Variants in GLT8D2 observed in about 807,000 individuals in gnomAD.
The protein encoded by GLT8D2 is glycosyltransferase 8 domain containing 2.
In GLT8D2, 45 loss-of-function variants were observed where a neutral mutation model predicts 44.5. The observed-to-expected ratio is 1.01, with a 90% CI of 0.80 to 1.30. The LOEUF is 1.30. Ranked by LOEUF, GLT8D2 falls within the 50% of genes most tolerant of loss-of-function variation. GLT8D2 has a pLI of 0.00. For missense variants in GLT8D2, 400 were observed against 430.4 expected (o/e 0.93, Z 0.62); for synonymous variants, 156 against 157.2 (o/e 0.99, Z 0.06).
rs1033559146 is a variant in GLT8D2 at position 104,062,292 on chromosome 12, C to T, written c.-423+1657G>A. Among the ~76,000 whole-genome samples, 6 of 151,996 alleles carry T rather than the reference C, an allele frequency of 3.9e-5. No individual in the cohort carries two copies. The East Asian group carries it at 1.2e-3, about 30-fold the overall frequency. ...TTCACCATGTTGGCCAGGCTGGTCT[C>T]GAACTCCTGACCTCAGGTAATCTGC... On this transcript the variant is annotated intron_variant, in intron 1 of 10. Transcript: ENST00000548660.
chr12:104,024,324 T>G (rs1356728355), intron 1 of GLT8D2, among the ~76,000 whole-genome samples: 1 of 152,146 alleles, frequency 6.6e-6, no homozygotes, highest in Non-Finnish European at 1.5e-5. Flanking sequence ...GTCCCAGCTA[T>G]TCAGGAGGCT....
At chr12:104,025,364 G>A (rs1330431932) in intron 1 of GLT8D2, among the ~76,000 whole-genome samples, 1 of 151,746 alleles carries the variant, frequency 6.6e-6, no homozygotes, top group Non-Finnish European at 1.5e-5. Flanking sequence ...GCACACCACT[G>A]CACCTGGCTA....
At chr12:104,020,186 T>G (rs1877449941) in intron 2 of GLT8D2, among the ~76,000 whole-genome samples, 1 of 152,158 alleles carries the variant, frequency 6.6e-6, no homozygotes, top group Non-Finnish European at 1.5e-5. Context: ...CCTCCCAAAG[T>G]GCTGGGATTA....
In GLT8D2 at chr12:104,034,807, T is replaced by C. The variant is rs566455921; in HGVS notation, c.-163-13316A>G. On this transcript the variant is annotated intron_variant, in intron 1 of 10. Transcript: ENST00000360814. ...GAGCAGTGGTTCTCCCAGCATGGTG[T>C]TTGAGCTCTGAGAACAGACAGACTG... Among the ~76,000 whole-genome samples the C allele has an allele frequency of 3.3e-5, 5 of 152,328 alleles. No homozygotes were observed. The South Asian group carries it at 6.2e-4, about 19-fold the overall frequency.
chr12:104,002,987 A>G (rs1874433427), intron 5 of GLT8D2, 148 bp downstream of exon 5: 4 of 626,026 alleles, frequency 6.4e-6, no homozygotes, highest in Non-Finnish European at 1.1e-5. Flanking sequence ...AGAGAGAGAG[A>G]GACAGAAAGA....
Position 104,003,291 on chromosome 12 carries a change from GTCTCGGATTCATCA to G in GLT8D2, c.114_127del (p.Asp39SerfsTer2), listed in dbSNP as rs750428507. On this transcript the variant is annotated frameshift_variant and splice_region_variant, in exon 5 of 11. Coordinates refer to ENST00000360814, the MANE Select transcript of GLT8D2 (RefSeq NM_001384711.1). LOFTEE classifies it high-confidence loss of function. The stretch of plus-strand genomic sequence containing the variant: ...AATCTCTTCTTCCAGTTCTTCAGGA[GTCTCGGATTCATCA>G]TCTGGAAACATAAAAACTGGTGTCT... The G allele has an allele frequency of 6.2e-7, 1 of 1,614,016 alleles. No individual in the cohort carries two copies. Among genetic ancestry groups the G allele is most frequent in the Non-Finnish European group, 8.5e-7 (1 of 1,179,958 alleles).
chr12:104,047,787 G>A (rs931989159), intron 1 of GLT8D2, among the ~76,000 whole-genome samples: 1 of 152,206 alleles, frequency 6.6e-6, no homozygotes, highest in African/African-American at 2.4e-5. Context: ...GGACAAGAGA[G>A]TCTTCAGTTT....
At chr12:103,992,047 C>T (rs540812138) in intron 10 of GLT8D2, among the ~76,000 whole-genome samples, 21 of 152,120 alleles carry the variant, frequency 1.4e-4, no homozygotes, top group Non-Finnish European at 2.9e-5. Context: ...GCAGTAAAAC[C>T]TAGATCCCAC....
intron 1 of GLT8D2, among the ~76,000 whole-genome samples, chr12:104,043,775 G>A (rs1012727389): frequency 1.4e-4 from 21 of 152,116 alleles, no homozygotes; most frequent in African/African-American, 4.6e-4. Context: ...CTGTGACTCC[G>A]TTTTTTAAAT....
At chr12:104,045,717 A>G (rs1881010623) in intron 1 of GLT8D2, among the ~76,000 whole-genome samples, 1 of 152,140 alleles carries the variant, frequency 6.6e-6, no homozygotes, top group South Asian at 2.1e-4. Context: ...CTGCCTTGGA[A>G]CAAAAAGCAA....
rs3037226 is a variant in GLT8D2, at chr12:104,022,045, AAG to A, written c.-163-556_-163-555del. ...GAAAAAGAAGAAGAAGAAGAAGAAG[AAG>A]AAGAAGAAGGGAAAGAAAGAAAGAA... On this transcript the variant is annotated intron_variant, in intron 1 of 10. Coordinates refer to ENST00000360814, the MANE Select transcript of GLT8D2 (RefSeq NM_001384711.1). 1.4e-4 allele frequency among the ~76,000 whole-genome samples: 19 copies of A among 132,008 alleles called. 2 individuals are homozygous for A. The East Asian group carries it at 3.3e-3, about 23-fold the overall frequency. The allele number at this position is 132,008 out of a possible 152,430, so 86.6% of individuals were successfully genotyped here.
intron 1 of GLT8D2, among the ~76,000 whole-genome samples, chr12:104,043,793 CA>C (rs991001722): frequency 6.6e-6 from 1 of 152,106 alleles, no homozygotes; most frequent in Non-Finnish European, 1.5e-5. Flanking sequence ...AATTGCTCCA[CA>C]AAAAAATCAG....
At chr12:104,063,042 G>A (rs1441545919) in intron 1 of GLT8D2, among the ~76,000 whole-genome samples, 2 of 152,042 alleles carry the variant, frequency 1.3e-5, no homozygotes, top group East Asian at 3.9e-4. Flanking sequence ...CTGATGATCT[G>A]AGGTGGAACA....
chr12:104,005,663 C>T (rs967852775), intron 4 of GLT8D2, among the ~76,000 whole-genome samples: 8 of 152,158 alleles, frequency 5.3e-5, no homozygotes, highest in Admixed American at 3.3e-4. Flanking sequence ...CAGAGAAATG[C>T]AAATCAAAAC....
chr12:104,045,518 G>A (rs1004273809), intron 1 of GLT8D2, among the ~76,000 whole-genome samples: 4 of 152,186 alleles, frequency 2.6e-5, no homozygotes, highest in African/African-American at 9.7e-5. Context: ...AGGTTCTAGG[G>A]CCTGTGAGTA....
intron 10 of GLT8D2, among the ~76,000 whole-genome samples, chr12:103,991,740 CAG>C (rs1264048758): frequency 1.4e-5 from 2 of 147,810 alleles, no homozygotes; most frequent in Non-Finnish European, 3.0e-5. Context: ...TCAGGAAAAT[CAG>C]AGGATTCTGG....
chr12:104,060,970 C>A (rs1046588390), intron 1 of GLT8D2, among the ~76,000 whole-genome samples: 1 of 151,792 alleles, frequency 6.6e-6, no homozygotes, highest in African/African-American at 2.4e-5. Flanking sequence ...GAGAACACCA[C>A]GTGATGATGT....
chr12:104,043,222 T>G (rs991422608), intron 1 of GLT8D2, among the ~76,000 whole-genome samples: 2 of 152,154 alleles, frequency 1.3e-5, no homozygotes, highest in African/African-American at 4.8e-5. Context: ...TTTCTTCTCT[T>G]CTTTCTCTAA....
chr12:104,016,753 AAGAAAGAAAGAAAG>A (rs1876745977), intron 3 of GLT8D2, among the ~76,000 whole-genome samples: 1 of 111,446 alleles, frequency 9.0e-6, no homozygotes, highest in African/African-American at 3.2e-5. Flanking sequence ...GAAAGAAAGA[AAGAAAGAAAGAAAG>A]AAAGAAAGAA....
Sources: allele counts gnomAD v4.1 joint callset (sites outside exome capture counted in the v4.1 genomes callset), GRCh38; gene constraint gnomAD v4.1.1; transcripts MANE v1.5; gene names NCBI Gene and HGNC (gene_info 2026-07-23, HGNC 2026-07-21).